FBXL13: variants seen among roughly 807,000 people sequenced by gnomAD.
FBXL13 encodes F-box and leucine rich repeat protein 13.
In FBXL13, 67 loss-of-function variants were observed where a neutral mutation model predicts 83.6. The observed-to-expected ratio is 0.80, with a 90% CI of 0.66 to 0.98. The LOEUF (loss-of-function observed/expected upper bound fraction) is 0.98. Among genes scored for constraint, FBXL13 ranks in the 50% least tolerant of loss-of-function variants. The pLI is 0.00. For synonymous variants in FBXL13, 272 were observed against 299.5 expected (o/e 0.91, Z 0.95); for missense variants, 822 against 866.5 (o/e 0.95, Z 0.64).
At chr7:102,876,090 G>T (rs2129457737) in intron 16 of FBXL13, among the ~76,000 whole-genome samples, 1 of 152,264 alleles carries the variant, frequency 6.6e-6, no homozygotes, top group South Asian at 2.1e-4. Flanking sequence ...CATGATGTGG[G>T]AGCAAGAAAA....
intron 15 of FBXL13, among the ~76,000 whole-genome samples, chr7:102,877,987 C>T (rs1373102113): frequency 6.6e-6 from 1 of 152,024 alleles, no homozygotes; most frequent in African/African-American, 2.4e-5. Flanking sequence ...ATAAACCAGC[C>T]AGAACACCCC....
chr7:102,879,888 A>C lies in FBXL13; in HGVS notation c.1389-1438T>G, dbSNP rs144405281. 8.6e-3 allele frequency among the ~76,000 whole-genome samples: 1,313 copies of C among 152,208 alleles called. 24 individuals are homozygous for C. The highest frequency in any genetic ancestry group is 0.03 in the African/African-American group (1,251 of 41,520). On this transcript the variant is annotated intron_variant, in intron 14 of 19. Transcript: ENST00000313221. ...TGCCTGGCTAATTCTGTGTATTTTT[A>C]GTAGAGACGGGGTTTCACCATGTTA...
intron 6 of FBXL13, among the ~76,000 whole-genome samples, chr7:103,016,309 C>G (rs1019157517): frequency 8.3e-6 from 1 of 120,156 alleles, no homozygotes; most frequent in Non-Finnish European, 1.6e-5. Context: ...GTTACAAAAA[C>G]AGAAATGTGG....
At chr7:103,069,804 C>T (rs1044418668) in intron 1 of FBXL13, among the ~76,000 whole-genome samples, 7 of 152,184 alleles carry the variant, frequency 4.6e-5, no homozygotes, top group Non-Finnish European at 7.4e-5. Context: ...ATGGGCTGGG[C>T]GCGGTGGCCC....
intron 10 of FBXL13, among the ~76,000 whole-genome samples, chr7:102,920,653 C>T (rs1364986364): frequency 1.3e-5 from 2 of 152,074 alleles, no homozygotes; most frequent in East Asian, 3.9e-4. Flanking sequence ...GGCCCATACA[C>T]TCAATTTTGA....
intron 16 of FBXL13, among the ~76,000 whole-genome samples, chr7:102,861,682 C>T (rs1199460051): frequency 6.6e-6 from 1 of 152,092 alleles, no homozygotes; most frequent in African/African-American, 2.4e-5. Context: ...AAAAGCAGTA[C>T]ACAAAATTAT....
chr7:102,891,755 A>C (rs932440740), intron 11 of FBXL13, among the ~76,000 whole-genome samples: 1 of 152,232 alleles, frequency 6.6e-6, no homozygotes, highest in African/African-American at 2.4e-5. Flanking sequence ...CATGCTTGCC[A>C]ACTCTGTGTG....
intron 6 of FBXL13, among the ~76,000 whole-genome samples, chr7:103,004,813 G>T (rs1382656847): frequency 6.6e-6 from 1 of 152,146 alleles, no homozygotes. Flanking sequence ...TGAGTTCTGG[G>T]ATACTGATGG....
chr7:102,976,427 T>C (rs78889486), intron 6 of FBXL13, among the ~76,000 whole-genome samples: 9 of 152,154 alleles, frequency 5.9e-5, no homozygotes, highest in Non-Finnish European at 1.2e-4. Context: ...CCTGCCCTCA[T>C]GCCCAACTCC....
Position 102,822,366 on chromosome 7 carries a change from G to C in FBXL13, c.1855-163C>G, listed in dbSNP as rs550060381. ...TAGAGGCTGGGAAGTCCAAGACTGA[G>C]ATAAAGATAGAGGTACCTGCAATTG... On this transcript the variant is annotated intron_variant, in intron 18 of 19. Coordinates refer to ENST00000313221, the Ensembl canonical transcript of FBXL13. The C allele has an allele frequency of 8.1e-6, 6 of 742,278 alleles. No individual in the cohort carries two copies. In the East Asian group the frequency reaches 1.1e-4, roughly 13 times the overall value. 46.0% of individuals were successfully genotyped at this position (742,278 alleles called of 1,614,324 possible).
intron 6 of FBXL13, among the ~76,000 whole-genome samples, chr7:102,999,514 G>A (rs1196144806): frequency 1.3e-5 from 2 of 152,134 alleles, no homozygotes; most frequent in Non-Finnish European, 2.9e-5. Flanking sequence ...TTAAATATTT[G>A]GTAGAAGTCA....
chr7:103,021,205 C>G (rs1793124739), intron 6 of FBXL13, among the ~76,000 whole-genome samples: 1 of 152,142 alleles, frequency 6.6e-6, no homozygotes, highest in African/African-American at 2.4e-5. Flanking sequence ...TGATCTTTGA[C>G]AAACCTGACA....
intron 6 of FBXL13, among the ~76,000 whole-genome samples, chr7:102,974,818 GATCTTCTCAGCCTTC>G (rs1164546207): frequency 6.6e-6 from 1 of 151,712 alleles, no homozygotes; most frequent in African/African-American, 2.4e-5. Flanking sequence ...TCTCAGCTGC[GATCTTCTCAGCCTTC>G]ATCTTCCCAG....
At chr7:103,040,377 G>A (rs1410448811) in intron 2 of FBXL13, among the ~76,000 whole-genome samples, 2 of 152,088 alleles carry the variant, frequency 1.3e-5, no homozygotes, top group Non-Finnish European at 2.9e-5. Context: ...ATAATAATGG[G>A]AGACTTTAAC....
At chr7:103,038,565 C>G (rs375785399) in intron 2 of FBXL13, among the ~76,000 whole-genome samples, 4 of 152,042 alleles carry the variant, frequency 2.6e-5, no homozygotes, top group East Asian at 3.8e-4. Context: ...CCAGTAGGGG[C>G]TGATAGACAC....
intron 6 of FBXL13, among the ~76,000 whole-genome samples, chr7:103,016,899 G>A (rs62482899): frequency 0.033 from 5,004 of 149,398 alleles, 118 homozygotes; most frequent in Admixed American, 0.051. Flanking sequence ...ACCTCTAGGG[G>A]CAGGGCATAG....
intron 6 of FBXL13, among the ~76,000 whole-genome samples, chr7:103,022,540 C>G (rs2129487839): frequency 6.7e-6 from 1 of 149,300 alleles, no homozygotes; most frequent in East Asian, 2.0e-4. Flanking sequence ...TAATGCCACA[C>G]ATCTACACAA....
At chr7:102,944,201 T>G (rs1230070900) in intron 8 of FBXL13, 1 of 1,588,196 alleles carries the variant, frequency 6.3e-7, no homozygotes, top group African/African-American at 1.4e-5. Context: ...AAATATTTTC[T>G]GTTTCCAGCC....
At position 103,069,690 on chromosome 7, in the gene FBXL13, T is replaced by C. The variant is rs1413924853; in HGVS notation, c.-105+4556A>G. ...CTGAGGTCATGAGCTCTGTACCCTA[T>C]ACAGAGGAAAGGACGAACCTTTGCT... On this transcript the variant is annotated intron_variant, in intron 1 of 19. Coordinates refer to ENST00000313221, the Ensembl canonical transcript of FBXL13. Among the ~76,000 whole-genome samples, 2 of 152,134 alleles carry C rather than the reference T, an allele frequency of 1.3e-5. 1 individual carries two copies. The highest frequency in any genetic ancestry group is 3.9e-4 in the East Asian group (2 of 5,188).
Sources: gnomAD v4.1 joint callset for allele counts (sites outside exome capture counted in the v4.1 genomes callset) on GRCh38, gnomAD v4.1.1 for gene constraint, MANE v1.5 for transcripts, NCBI Gene and HGNC (gene_info 2026-07-23, HGNC 2026-07-21) for gene names.